KCNH8: variants seen among roughly 807,000 people sequenced by gnomAD.
KCNH8 encodes the protein potassium voltage-gated channel subfamily H member 8, also known as voltage-gated delayed rectifier potassium channel KCNH8.
A neutral mutation model predicts 103.6 loss-of-function variants in KCNH8; 70 were observed. That is an observed-to-expected ratio of 0.68 (90% confidence interval 0.56 to 0.82). The LOEUF is 0.82. Ranked by LOEUF, KCNH8 falls within the 40% of genes least tolerant of loss-of-function variation. The probability of loss-of-function intolerance (pLI) is 0.00; values close to 1 mark genes in which losing one functional copy is unlikely to be tolerated. For missense variants in KCNH8, 1,217 were observed against 1,329.9 expected, an observed-to-expected ratio of 0.92 and a Z score of 1.32; for synonymous variants, 498 against 489.4, an observed-to-expected ratio of 1.02 and a Z score of -0.23.
intron 2 of KCNH8, among the ~76,000 whole-genome samples, chr3:19,254,839 A>C (rs1385384329): frequency 6.6e-6 from 1 of 152,168 alleles, no homozygotes; most frequent in African/African-American, 2.4e-5. Context: ...CTTGTAACTA[A>C]GTTTTAGGCC....
chr3:19,218,779 T>A (rs1575444998), intron 1 of KCNH8, among the ~76,000 whole-genome samples: 1 of 152,296 alleles, frequency 6.6e-6, no homozygotes, highest in East Asian at 1.9e-4. Context: ...TCCTAGCTCC[T>A]CTCCTAGCTT....
intron 1 of KCNH8, among the ~76,000 whole-genome samples, chr3:19,205,702 A>G (rs2063707727): frequency 6.6e-6 from 1 of 152,010 alleles, no homozygotes; most frequent in African/African-American, 2.4e-5. Flanking sequence ...TGAAAAGTCT[A>G]AAAATATGTA....
intron 15 of KCNH8, 70 bp downstream of exon 15, chr3:19,518,144 C>T: frequency 8.1e-7 from 1 of 1,227,912 alleles, no homozygotes; most frequent in Non-Finnish European, 1.2e-6. Flanking sequence ...CTCGCAGAAG[C>T]AGTGTAATAT....
chr3:19,505,804 T>G lies in KCNH8; in HGVS notation c.2041-4559T>G, dbSNP rs142818281. Among the ~76,000 whole-genome samples, 1,162 of 152,346 alleles carry G rather than the reference T, an allele frequency of 7.6e-3. 13 individuals are homozygous for G. The highest frequency in any genetic ancestry group is 0.019 in the South Asian group (94 of 4,826). ...TAGCTCTTTCAGGGACCCCAGTGAT[T>G]CATAGATTTTGGTCTGTTTACATAA... On this transcript the variant is annotated intron_variant, in intron 11 of 15. Transcript: ENST00000328405.
chr3:19,170,663 CACAT>C (rs1380917237), intron 1 of KCNH8, among the ~76,000 whole-genome samples: 12 of 125,032 alleles, frequency 9.6e-5, no homozygotes, highest in African/African-American at 2.9e-4. Context: ...CATATATACA[CACAT>C]ATATATACAC....
At chr3:19,351,624 C>G (rs1057027948) in intron 5 of KCNH8, among the ~76,000 whole-genome samples, 3 of 152,112 alleles carry the variant, frequency 2.0e-5, no homozygotes, top group Non-Finnish European at 4.4e-5. Flanking sequence ...AATTTTATAT[C>G]CGGCCAAACT....
Position 19,312,266 on chromosome 3 carries a change from C to T in KCNH8, c.443-30321C>T, listed in dbSNP as rs1447156698. ...AGGAACTAAGTTACTTTTATCTTTA[C>T]CCCTTCTATTTTTCCTTATTATTTC... On this transcript the variant is annotated intron_variant, in intron 3 of 15. Coordinates refer to ENST00000328405, the MANE Select transcript of KCNH8 (RefSeq NM_144633.3). 2.0e-5 allele frequency among the ~76,000 whole-genome samples: 3 copies of T among 151,912 alleles called. No individual in the cohort carries two copies. In the South Asian group the frequency reaches 6.2e-4, roughly 32 times the overall value.
At chr3:19,230,986 A>T (rs187257492) in intron 1 of KCNH8, among the ~76,000 whole-genome samples, 4 of 152,330 alleles carry the variant, frequency 2.6e-5, no homozygotes, top group African/African-American at 4.8e-5. Context: ...GAAAAATTTT[A>T]AAAAATCTGA....
In KCNH8 at chr3:19,450,322, ATGT is replaced by A; in HGVS notation, c.1575+22_1575+24del. 1.9e-6 allele frequency: 3 copies of A among 1,595,668 alleles called. No individual in the cohort carries two copies. Among genetic ancestry groups the A allele is most frequent in the East Asian group, 4.5e-5 (2 of 44,772 alleles). Reference sequence around the variant, plus strand: ...TCAAATGAGGTAATGTTCATTTCTCATGTTGTTTTCAGGCAGAAAGCACATATT... The same window carrying A: ...TCAAATGAGGTAATGTTCATTTCTCATGTTTTCAGGCAGAAAGCACATATT... On this transcript the variant is annotated intron_variant, in intron 9 of 15. Transcript: ENST00000328405.
chr3:19,204,844 A>G (rs1190505098), intron 1 of KCNH8, among the ~76,000 whole-genome samples: 1 of 152,074 alleles, frequency 6.6e-6, no homozygotes, highest in East Asian at 1.9e-4. Context: ...GATGCTTTTA[A>G]TGAACTCTAA....
At chr3:19,283,253 A>G (rs1195502017) in intron 3 of KCNH8, among the ~76,000 whole-genome samples, 2 of 152,170 alleles carry the variant, frequency 1.3e-5, no homozygotes, top group African/African-American at 4.8e-5. Context: ...CTGTGCAACC[A>G]ATAACAAAGT....
chr3:19,341,324 T>G (rs1010833857), intron 3 of KCNH8, among the ~76,000 whole-genome samples: 1 of 152,110 alleles, frequency 6.6e-6, no homozygotes, highest in Non-Finnish European at 1.5e-5. Flanking sequence ...TTTCTATCTA[T>G]CAGGAGACTA....
At chr3:19,469,085 T>C (rs2067801625) in intron 11 of KCNH8, among the ~76,000 whole-genome samples, 2 of 152,354 alleles carry the variant, frequency 1.3e-5, no homozygotes, top group South Asian at 4.1e-4. Flanking sequence ...TCTTCAAAAG[T>C]AGCCTGTGTG....
intron 10 of KCNH8, among the ~76,000 whole-genome samples, chr3:19,453,719 T>C (rs1370488383): frequency 6.6e-6 from 1 of 152,144 alleles, no homozygotes; most frequent in Non-Finnish European, 1.5e-5. Flanking sequence ...CTTTCTCCCA[T>C]GTGCGGACAC....
intron 7 of KCNH8, among the ~76,000 whole-genome samples, chr3:19,431,574 C>T (rs750686040): frequency 3.3e-5 from 5 of 152,152 alleles, no homozygotes; most frequent in Non-Finnish European, 5.9e-5. Context: ...CTTCTTTGTA[C>T]ATCTGGTAGA....
At chr3:19,250,861 C>T (rs2064267705) in intron 1 of KCNH8, among the ~76,000 whole-genome samples, 1 of 152,182 alleles carries the variant, frequency 6.6e-6, no homozygotes, top group South Asian at 2.1e-4. Context: ...TACCTCCTGT[C>T]ACCTCACTCT....
rs543471890 is a variant in KCNH8, at chr3:19,477,357, GA to G, written c.2040+20377del. On this transcript the variant is annotated intron_variant, in intron 11 of 15. Coordinates refer to ENST00000328405, the MANE Select transcript of KCNH8 (RefSeq NM_144633.3). Reference sequence around the variant, plus strand: ...AAGTATAATTAATATTTATAAACAAGAATTACTCTTGATGCCAGACATTGGA... The same window carrying G: ...AAGTATAATTAATATTTATAAACAAGATTACTCTTGATGCCAGACATTGGA... 7.9e-5 allele frequency among the ~76,000 whole-genome samples: 12 copies of G among 151,094 alleles called. No individual in the cohort carries two copies. In the South Asian group the frequency reaches 2.3e-3, roughly 29 times the overall value.
At chr3:19,475,811 G>A (rs1403632932) in intron 11 of KCNH8, among the ~76,000 whole-genome samples, 1 of 152,050 alleles carries the variant, frequency 6.6e-6, no homozygotes. Context: ...ATTATTGAGG[G>A]AGCAAAAATG....
intron 1 of KCNH8, among the ~76,000 whole-genome samples, chr3:19,214,296 A>C (rs2063798348): frequency 6.6e-6 from 1 of 152,220 alleles, no homozygotes; most frequent in Non-Finnish European, 1.5e-5. Flanking sequence ...TTAATTTACC[A>C]TGTGACATCT....
Sources: allele counts gnomAD v4.1 joint callset (sites outside exome capture counted in the v4.1 genomes callset), GRCh38; gene constraint gnomAD v4.1.1; transcripts MANE v1.5; gene names NCBI Gene and HGNC (gene_info 2026-07-23, HGNC 2026-07-21).